Variants in SNX29 observed in about 807,000 individuals in gnomAD.
The protein encoded by SNX29 is sorting nexin 29.
SNX29 carries 78 observed loss-of-function variants against 102.1 expected under a neutral mutation model. The observed-to-expected ratio is 0.76, with a 90% CI of 0.64 to 0.92. SNX29 has a LOEUF of 0.92. Ranked by LOEUF, SNX29 falls within the 40% of genes least tolerant of loss-of-function variation. SNX29 has a pLI of 0.00. For missense variants in SNX29, 1,280 were observed against 1,061.7 expected (o/e 1.21, Z -2.86); for synonymous variants, 580 against 414.5 (o/e 1.40, Z -4.85).
intron 11 of SNX29, among the ~76,000 whole-genome samples, chr16:12,118,948 T>G (rs1490605566): frequency 6.6e-6 from 1 of 152,174 alleles, no homozygotes; most frequent in African/African-American, 2.4e-5. Flanking sequence ...GAATGCTGCT[T>G]TGTAAAAATG....
intron 20 of SNX29, among the ~76,000 whole-genome samples, chr16:12,551,146 G>A (rs8062185): frequency 6.6e-6 from 1 of 152,094 alleles, no homozygotes; most frequent in Admixed American, 6.5e-5. Flanking sequence ...GCTGCCAGGA[G>A]AATCTCAGAA....
intron 13 of SNX29, among the ~76,000 whole-genome samples, chr16:12,139,225 G>T (rs1371545728): frequency 7.0e-6 from 1 of 142,200 alleles, no homozygotes; most frequent in Non-Finnish European, 1.5e-5. Flanking sequence ...AAAAAAAAGG[G>T]AGGAAGGCTT....
chr16:12,506,403 G>A (rs2089381264), intron 19 of SNX29, among the ~76,000 whole-genome samples: 1 of 152,198 alleles, frequency 6.6e-6, no homozygotes, highest in East Asian at 1.9e-4. Context: ...AATGGGAAGT[G>A]GGAGATGTTT....
At chr16:11,989,053 A>T (rs1345280573) in intron 1 of SNX29, among the ~76,000 whole-genome samples, 2 of 152,042 alleles carry the variant, frequency 1.3e-5, no homozygotes, top group Non-Finnish European at 2.9e-5. Flanking sequence ...GCTTATTGCA[A>T]CCTTAACCCC....
At chr16:12,065,203 G>T (rs529346551) in intron 9 of SNX29, among the ~76,000 whole-genome samples, 2 of 152,282 alleles carry the variant, frequency 1.3e-5, no homozygotes, top group South Asian at 4.2e-4. Flanking sequence ...AGCACCCCAG[G>T]TTGCAAGAGG....
chr16:12,544,497 T>C, intron 20 of SNX29, among the ~76,000 whole-genome samples: 1 of 152,106 alleles, frequency 6.6e-6, no homozygotes, highest in Non-Finnish European at 1.5e-5. Context: ...TCGGCTGGGG[T>C]CTAGATGGCA....
chr16:12,558,763 T>A (rs2078534091), intron 20 of SNX29, among the ~76,000 whole-genome samples: 1 of 152,198 alleles, frequency 6.6e-6, no homozygotes, highest in Admixed American at 6.5e-5. Context: ...CATTGGGTGA[T>A]CATCCCGCAT....
Position 12,511,064 on chromosome 16 carries a change from G to C in SNX29, c.2179-13638G>C, listed in dbSNP as rs558330006. On this transcript the variant is annotated intron_variant, in intron 19 of 20. Coordinates refer to ENST00000566228, the MANE Select transcript of SNX29 (RefSeq NM_032167.5). ...CTCTGCGTCCCGGGTTCAAGGCTGG[G>C]GTTCTGTTGAGACATAAAGATGAGA... is the stretch of plus-strand genomic sequence containing the variant. Among the ~76,000 whole-genome samples the C allele has an allele frequency of 3.3e-5, 5 of 152,264 alleles. No individual in the cohort carries two copies. In the East Asian group the frequency reaches 9.7e-4, roughly 30 times the overall value.
At chr16:12,189,945 T>C (rs772715598) in intron 13 of SNX29, among the ~76,000 whole-genome samples, 2 of 152,150 alleles carry the variant, frequency 1.3e-5, no homozygotes, top group Non-Finnish European at 2.9e-5. Flanking sequence ...AACATCACCA[T>C]TGACTTCTCA....
chr16:12,558,116 A>C (rs4781255), intron 20 of SNX29, among the ~76,000 whole-genome samples: 3,342 of 152,354 alleles, frequency 0.022, 259 homozygotes, highest in East Asian at 0.17. Context: ...GAGAATTAGA[A>C]GACCAGCAGC....
In SNX29 at chr16:12,078,927, C is replaced by G. The variant is rs182666721; in HGVS notation, c.1402+12C>G. The stretch of plus-strand genomic sequence containing the variant: ...GTCCATGACAATTAGTAAGTACTTT[C>G]GCAGCCCCCTCCACCAGCTCTGGGA... On this transcript the variant is annotated intron_variant, in intron 11 of 20. Transcript: ENST00000566228. 2.1e-5 allele frequency: 34 copies of G among 1,588,364 alleles called. No individual in the cohort carries two copies. Among genetic ancestry groups the G allele is most frequent in the Middle Eastern group, 3.4e-4 (2 of 5,842 alleles).
intron 1 of SNX29, among the ~76,000 whole-genome samples, chr16:11,989,756 T>TG (rs139372014): frequency 0.014 from 2,187 of 152,216 alleles, 57 homozygotes; most frequent in African/African-American, 0.05. Context: ...CCTCCCACGA[T>TG]GGGGATTACA....
At chr16:12,528,859 G>T (rs931773857) in intron 20 of SNX29, among the ~76,000 whole-genome samples, 9 of 152,224 alleles carry the variant, frequency 5.9e-5, no homozygotes, top group African/African-American at 2.2e-4. Flanking sequence ...ATTCTGGTTT[G>T]GGAACTGAGA....
At chr16:12,384,813 GC>G (rs1217024179) in intron 16 of SNX29, among the ~76,000 whole-genome samples, 2 of 152,226 alleles carry the variant, frequency 1.3e-5, no homozygotes, top group African/African-American at 4.8e-5. Context: ...GACTTCTGGG[GC>G]AGTAGGAAAT....
chr16:12,561,105 T>C (rs1026411303), intron 20 of SNX29: 3 of 226,928 alleles, frequency 1.3e-5, no homozygotes, highest in African/African-American at 4.4e-5. Flanking sequence ...GAATTAGATT[T>C]CACGGGGCAC....
chr16:12,179,538 T>C (rs1214178912), intron 13 of SNX29, among the ~76,000 whole-genome samples: 2 of 152,242 alleles, frequency 1.3e-5, no homozygotes, highest in South Asian at 2.1e-4. Context: ...TAAGAAAATA[T>C]TCATTTTAAA....
intron 15 of SNX29, among the ~76,000 whole-genome samples, chr16:12,323,095 AGTCACCGGGGACCACTGTCAGGATGTG>A (rs1383561643): frequency 5.0e-5 from 7 of 139,954 alleles, no homozygotes; most frequent in East Asian, 2.2e-4. Context: ...CGGTCACTGG[AGTCACCGGGGACCACTGTCAGGATGTG>A]GTCACTGGAG....
chr16:12,047,030 T>A (rs575898666), intron 6 of SNX29, among the ~76,000 whole-genome samples: 1 of 152,256 alleles, frequency 6.6e-6, no homozygotes, highest in East Asian at 1.9e-4. Flanking sequence ...GAATTGGAGG[T>A]GGGAGACCTA....
chr16:12,565,699 A>T (rs1041055346), intron 20 of SNX29, among the ~76,000 whole-genome samples: 1 of 151,724 alleles, frequency 6.6e-6, no homozygotes. Context: ...CAGGAAGGGG[A>T]AGCAGCTGGG....
Sources: allele counts gnomAD v4.1 joint callset (sites outside exome capture counted in the v4.1 genomes callset), GRCh38; gene constraint gnomAD v4.1.1; transcripts MANE v1.5; gene names NCBI Gene and HGNC (gene_info 2026-07-23, HGNC 2026-07-21).